Variants in EN2 observed in about 807,000 individuals in gnomAD.
EN2 encodes engrailed homeobox 2.
In EN2, 7 loss-of-function variants were observed where a neutral mutation model predicts 25.0. The ratio of observed to expected loss-of-function variants is 0.28; its 90% CI spans 0.16 to 0.53. The LOEUF (loss-of-function observed/expected upper bound fraction) is 0.53. Among genes scored for constraint, EN2 ranks in the 20% least tolerant of loss-of-function variants. The pLI is 0.96. For missense variants in EN2, 524 were observed against 501.8 expected, an observed-to-expected ratio of 1.04 and a Z score of -0.42; for synonymous variants, 277 against 243.3, an observed-to-expected ratio of 1.14 and a Z score of -1.29.
Position 155,458,933 on chromosome 7 carries a change from T to G in EN2, c.556T>G (p.Leu186Val), listed in dbSNP as rs1197208242. Residue 186 changes from leucine (L) to valine (V), a missense_variant, in exon 1 of 2, where the codon TTG (leucine) becomes GTG (valine). Coordinates refer to ENST00000297375, the MANE Select transcript of EN2 (RefSeq NM_001427.4). The stretch of plus-strand genomic sequence containing the variant: ...GGACGGGTCGCTCAAGGCCCGCGGC[T>G]TGGGCGGCGGCGACCTGTCGGTGAG... ...PLDGSLKARGLGGGDLSVSSD... is the reference protein window; with the variant it reads ...PLDGSLKARGVGGGDLSVSSD... The G allele has an allele frequency of 6.6e-7, 1 of 1,517,636 alleles. No homozygotes were observed. The highest frequency in any genetic ancestry group is 8.8e-7 in the Non-Finnish European group (1 of 1,140,144). The allele number at this position is 1,517,636 out of a possible 1,614,324, so 94.0% of individuals were successfully genotyped here. A position where few individuals can be genotyped will look rare whatever the true frequency, so the allele number is the denominator to read the frequency against.
rs1160252408 is a variant in EN2, at chr7:155,464,270, A to G, written c.*1583A>G. On this transcript the variant is annotated 3_prime_UTR_variant, in exon 2 of 2. Transcript: ENST00000297375. Reference sequence around the variant, plus strand: ...GTATATAAACAAACACATTATCTATATATAACGCCACACTGTCTTCTGTTT... The same window carrying G: ...GTATATAAACAAACACATTATCTATGTATAACGCCACACTGTCTTCTGTTT... The G allele has an allele frequency of 6.6e-6, 1 of 152,282 alleles. No individual in the cohort carries two copies. The highest frequency in any genetic ancestry group is 2.4e-5 in the African/African-American group (1 of 41,452). 9.4% of individuals were successfully genotyped at this position (152,282 alleles called of 1,614,324 possible).
At position 155,458,745 on chromosome 7, in the gene EN2, G is replaced by A; in HGVS notation, c.368G>A (p.Gly123Asp). 1 of 1,360,450 alleles carries A rather than the reference G, an allele frequency of 7.4e-7. No individual in the cohort carries two copies. The highest frequency in any genetic ancestry group is 9.4e-7 in the Non-Finnish European group (1 of 1,064,458). The allele number at this position is 1,360,450 out of a possible 1,614,324, so 84.3% of individuals were successfully genotyped here. Residue 123 changes from glycine (G) to aspartate (D), a missense_variant, in exon 1 of 2, where the codon GGC becomes GAC. Coordinates refer to ENST00000297375, the MANE Select transcript of EN2 (RefSeq NM_001427.4). ...GGAGGSEQLL[G>D]SGSREPRQNP... is the part of the protein sequence containing the mutation. ...GCGGGCGGCTCGGAGCAGCTCTTGG[G>A]CTCGGGCTCCCGAGAGCCCCGGCAG...
chr7:155,462,925 GT>G lies in EN2; in HGVS notation c.*245del, dbSNP rs941788086. 2.5e-5 allele frequency: 11 copies of G among 441,706 alleles called. No homozygotes were observed. The highest frequency in any genetic ancestry group is 4.4e-5 in the Admixed American group (1 of 22,824). 27.4% of individuals were successfully genotyped at this position (441,706 alleles called of 1,614,324 possible). A position where few individuals can be genotyped will look rare whatever the true frequency, so the allele number is the denominator to read the frequency against. On this transcript the variant is annotated 3_prime_UTR_variant, in exon 2 of 2. Transcript: ENST00000297375. Reference sequence around the variant, plus strand: ...TTATGAGATTATGCTAATTTTATGGGTTTTTTTCTTTTTTGCGAAGGGGGCT... The same window carrying G: ...TTATGAGATTATGCTAATTTTATGGGTTTTTTCTTTTTTGCGAAGGGGGCT...
rs1377234384 is a variant in EN2 at position 155,458,221 on chromosome 7, C to T, written c.-157C>T. 2 of 1,037,316 alleles carry T rather than the reference C, an allele frequency of 1.9e-6. No homozygotes were observed. The highest frequency in any genetic ancestry group is 2.5e-6 in the Non-Finnish European group (2 of 801,088). 64.3% of individuals were successfully genotyped at this position (1,037,316 alleles called of 1,614,324 possible). On this transcript the variant is annotated 5_prime_UTR_variant, in exon 1 of 2. Coordinates refer to ENST00000297375, the MANE Select transcript of EN2 (RefSeq NM_001427.4). ...GCTCCGCGCCGAGCGCGGCCGGCGACTTGTAGGACCTCAGCCCTGGCCGCG... is the reference window on the plus strand; with the variant it reads ...GCTCCGCGCCGAGCGCGGCCGGCGATTTGTAGGACCTCAGCCCTGGCCGCG...
intron 1 of EN2, 114 bp downstream of exon 1, chr7:155,459,176 C>G: frequency 8.6e-7 from 1 of 1,161,918 alleles, no homozygotes; most frequent in Non-Finnish European, 1.2e-6. Context: ...CTCCCCCGCG[C>G]ACACGCACAA....
chr7:155,459,365 G>A (rs1235261597), intron 1 of EN2, among the ~76,000 whole-genome samples: 2 of 151,990 alleles, frequency 1.3e-5, no homozygotes, highest in Non-Finnish European at 2.9e-5. Context: ...CTTCCACCCC[G>A]CCTTGGCGCA....
In EN2 at chr7:155,458,879, A is replaced by G; in HGVS notation, c.502A>G (p.Lys168Glu). The change falls in exon 1 of 2, where the codon AAG (lysine) becomes GAG (glutamate). Residue 168 changes from lysine to glutamate, a missense_variant. Lys to Glu is a moderately conservative substitution (Grantham distance 56). Transcript: ENST00000297375. ...GACGCTCTCGCTGCACGGTGGCGCC[A>G]AGAAAGGCGGCGACCCCGGCGGCCC... ...SKTLSLHGGA[K>E]KGGDPGGPLD... 1.3e-6 allele frequency: 2 copies of G among 1,494,704 alleles called. No individual in the cohort carries two copies. Among genetic ancestry groups the G allele is most frequent in the South Asian group, 2.5e-5 (2 of 80,204 alleles). 92.6% of individuals were successfully genotyped at this position (1,494,704 alleles called of 1,614,324 possible).
chr7:155,462,797 G>T lies in EN2; in HGVS notation c.*110G>T. On this transcript the variant is annotated 3_prime_UTR_variant, in exon 2 of 2. Transcript: ENST00000297375. ...TACCAGCATTAATAGTGAAAATATT[G>T]TGTATTAGCTAAGGTTCTGAAATAT... is the stretch of plus-strand genomic sequence containing the variant. The T allele has an allele frequency of 2.4e-6, 3 of 1,270,506 alleles. No individual in the cohort carries two copies. The South Asian group carries it at 4.9e-5, about 21-fold the overall frequency. The allele number at this position is 1,270,506 out of a possible 1,614,324, so 78.7% of individuals were successfully genotyped here. A position where few individuals can be genotyped will look rare whatever the true frequency, so the allele number is the denominator to read the frequency against.
intron 1 of EN2, among the ~76,000 whole-genome samples, chr7:155,460,286 C>T (rs1795680206): frequency 6.6e-6 from 1 of 152,206 alleles, no homozygotes; most frequent in Non-Finnish European, 1.5e-5. Context: ...TGAGCCAGCC[C>T]CCAACGGCCC....
Position 155,458,451 on chromosome 7 carries a change from CCGGCGGCGGCTCGGG to C in EN2, c.85_99del (p.Ser29_Gly33del), listed in dbSNP as rs773598439. On this transcript the variant is annotated inframe_deletion, in exon 1 of 2. Transcript: ENST00000297375. ...GGACAGCGGCAGCCGGAATCCAGCCCCGGCGGCGGCTCGGGCGGCGGCGGCGGTAGCAGCCCGGGC... is the reference window on the plus strand; with the variant it reads ...GGACAGCGGCAGCCGGAATCCAGCCCCGGCGGCGGCGGTAGCAGCCCGGGC... 118 of 1,304,894 alleles carry C rather than the reference CCGGCGGCGGCTCGGG, an allele frequency of 9.0e-5. 2 individuals carry two copies. In the East Asian group the frequency reaches 2.7e-3, roughly 30 times the overall value. The allele number at this position is 1,304,894 out of a possible 1,614,324, so 80.8% of individuals were successfully genotyped here. A position where few individuals can be genotyped will look rare whatever the true frequency, so the allele number is the denominator to read the frequency against.
chr7:155,458,682 G>C lies in EN2; in HGVS notation c.305G>C (p.Gly102Ala). The change falls in exon 1 of 2, where the codon GGC becomes GCC. Residue 102 changes from glycine to alanine, a missense_variant. Transcript: ENST00000297375. ...GGAGGAAGGGGCGGCGGAGCCGGCGGCGAAGGCGGCGCGAGCGGTGCGGAG... is the reference window on the plus strand; with the variant it reads ...GGAGGAAGGGGCGGCGGAGCCGGCGCCGAAGGCGGCGCGAGCGGTGCGGAG... ...AGGGRGGGAG[G>A]EGGASGAEGG... 7.4e-7 allele frequency: 1 copy of C among 1,346,212 alleles called. No individual in the cohort carries two copies. 83.4% of individuals were successfully genotyped at this position (1,346,212 alleles called of 1,614,324 possible). A position where few individuals can be genotyped will look rare whatever the true frequency, so the allele number is the denominator to read the frequency against.
rs1192905307 is a variant in EN2 at position 155,458,540 on chromosome 7, C to A, written c.163C>A (p.Gln55Lys). 2.8e-6 allele frequency: 4 copies of A among 1,407,520 alleles called. No homozygotes were observed. The highest frequency in any genetic ancestry group is 3.0e-5 in the East Asian group (1 of 33,464). The allele number at this position is 1,407,520 out of a possible 1,614,324, so 87.2% of individuals were successfully genotyped here. A position where few individuals can be genotyped will look rare whatever the true frequency, so the allele number is the denominator to read the frequency against. ...GGCTCTGATGCTGCCCGCGGTCCTG[C>A]AGGCGCCCGGCAACCACCAGCACCC... ...RRALMLPAVL[Q>K]APGNHQHPHR... is the part of the protein sequence containing the mutation. Residue 55 changes from glutamine (Q) to lysine (K), a missense_variant, in exon 1 of 2, where the codon CAG (glutamine) becomes AAG (lysine). Coordinates refer to ENST00000297375, the MANE Select transcript of EN2 (RefSeq NM_001427.4).
chr7:155,459,511 A>G (rs999189045), intron 1 of EN2, among the ~76,000 whole-genome samples: 36 of 152,190 alleles, frequency 2.4e-4, no homozygotes, highest in African/African-American at 6.7e-4. Flanking sequence ...CAGGCCGGGG[A>G]CGCATGCCCC....
chr7:155,459,199 C>A, intron 1 of EN2, 137 bp downstream of exon 1: 1 of 1,027,026 alleles, frequency 9.7e-7, no homozygotes, highest in Non-Finnish European at 1.3e-6. Flanking sequence ...ACTCACGCGA[C>A]ATTGTGTGAA....
chr7:155,458,874 G>A lies in EN2; in HGVS notation c.497G>A (p.Gly166Asp), dbSNP rs1795661540. The A allele has an allele frequency of 6.7e-7, 1 of 1,495,530 alleles. No homozygotes were observed. The highest frequency in any genetic ancestry group is 1.2e-5 in the South Asian group (1 of 80,234). The allele number at this position is 1,495,530 out of a possible 1,614,324, so 92.6% of individuals were successfully genotyped here. A position where few individuals can be genotyped will look rare whatever the true frequency, so the allele number is the denominator to read the frequency against. The change falls in exon 1 of 2, where the codon GGC (glycine) becomes GAC (aspartate). Residue 166 changes from glycine (G) to aspartate (D), a missense_variant. Gly to Asp is a moderately conservative substitution (Grantham distance 94). Coordinates refer to ENST00000297375, the MANE Select transcript of EN2 (RefSeq NM_001427.4). The stretch of plus-strand genomic sequence containing the variant: ...TCCAAGACGCTCTCGCTGCACGGTG[G>A]CGCCAAGAAAGGCGGCGACCCCGGC... ...GGSKTLSLHG[G>D]AKKGGDPGGP...
At position 155,462,570 on chromosome 7, in the gene EN2, G is replaced by A; in HGVS notation, c.885G>A (p.Lys295=). 3.1e-6 allele frequency: 5 copies of A among 1,614,174 alleles called. No individual in the cohort carries two copies. The highest frequency in any genetic ancestry group is 3.4e-6 in the Non-Finnish European group (4 of 1,180,040). Reference sequence around the variant, plus strand: ...AGATCAAGATTTGGTTCCAGAACAAGCGCGCCAAGATCAAGAAGGCCACGG... The same window carrying A: ...AGATCAAGATTTGGTTCCAGAACAAACGCGCCAAGATCAAGAAGGCCACGG... ...ESQIKIWFQN[K]RAKIKKATGN... The change falls in exon 2 of 2, where the codon AAG becomes AAA. Residue 295 remains lysine (K), a synonymous_variant. Coordinates refer to ENST00000297375, the MANE Select transcript of EN2 (RefSeq NM_001427.4).
At position 155,458,687 on chromosome 7, in the gene EN2, G is replaced by T; in HGVS notation, c.310G>T (p.Gly104Cys). The T allele has an allele frequency of 7.4e-7, 1 of 1,343,634 alleles. No homozygotes were observed. Among genetic ancestry groups the T allele is most frequent in the South Asian group, 2.0e-5 (1 of 49,684 alleles). 83.2% of individuals were successfully genotyped at this position (1,343,634 alleles called of 1,614,324 possible). Reference protein sequence around the residue: ...GGRGGGAGGEGGASGAEGGGG... With the variant: ...GGRGGGAGGECGASGAEGGGG... Reference sequence around the variant, plus strand: ...AAGGGGCGGCGGAGCCGGCGGCGAAGGCGGCGCGAGCGGTGCGGAGGGAGG... The same window carrying T: ...AAGGGGCGGCGGAGCCGGCGGCGAATGCGGCGCGAGCGGTGCGGAGGGAGG... The change falls in exon 1 of 2, where the codon GGC becomes TGC. Residue 104 changes from glycine to cysteine, a missense_variant. Physicochemically the swap from Gly to Cys is radical, Grantham distance 159 (BLOSUM62 -3). Coordinates refer to ENST00000297375, the MANE Select transcript of EN2 (RefSeq NM_001427.4).
intron 1 of EN2, among the ~76,000 whole-genome samples, chr7:155,461,966 C>T (rs1795701141): frequency 6.6e-6 from 1 of 152,206 alleles, no homozygotes; most frequent in African/African-American, 2.4e-5. Flanking sequence ...GCAGCCTTTC[C>T]CAGTCTTCTC....
Position 155,458,814 on chromosome 7 carries a change from C to T in EN2, c.437C>T (p.Ala146Val), listed in dbSNP as rs1403436911. ...GGCGCGGGCGGGCCGCTCCCAGCCG[C>T]CGGCAGCGACTCTCCGGGTGACGGG... ...APGAGGPLPA[A>V]GSDSPGDGEG... The change falls in exon 1 of 2, where the codon GCC (alanine) becomes GTC (valine). Residue 146 changes from alanine (A) to valine (V), a missense_variant. Coordinates refer to ENST00000297375, the MANE Select transcript of EN2 (RefSeq NM_001427.4). 12 of 1,414,488 alleles carry T rather than the reference C, an allele frequency of 8.5e-6. No individual in the cohort carries two copies. Among genetic ancestry groups the T allele is most frequent in the Non-Finnish European group, 1.1e-5 (12 of 1,096,914 alleles). The allele number at this position is 1,414,488 out of a possible 1,614,324, so 87.6% of individuals were successfully genotyped here.
Sources: allele counts gnomAD v4.1 joint callset (sites outside exome capture counted in the v4.1 genomes callset), GRCh38; gene constraint gnomAD v4.1.1; transcripts MANE v1.5; gene names NCBI Gene and HGNC (gene_info 2026-07-23, HGNC 2026-07-21).